The following GAS7 variants were observed in gnomAD, a reference collection of about 807,000 sequenced individuals.
GAS7 encodes growth arrest-specific protein 7.
In GAS7, 28 loss-of-function variants were observed where a neutral mutation model predicts 71.1. The ratio of observed to expected loss-of-function variants is 0.39; its 90% CI spans 0.29 to 0.54. The LOEUF is 0.54. Among genes scored for constraint, GAS7 ranks in the 20% least tolerant of loss-of-function variants. The pLI, the probability that GAS7 is intolerant of heterozygous loss-of-function variation, is 0.62. For synonymous variants in GAS7, 258 were observed against 245.8 expected (o/e 1.05, Z -0.46); for missense variants, 436 against 627.8 (o/e 0.69, Z 3.27).
intron 1 of GAS7, among the ~76,000 whole-genome samples, chr17:10,134,404 C>T (rs1225024073): frequency 3.9e-5 from 6 of 152,190 alleles, no homozygotes; most frequent in African/African-American, 1.4e-4. Flanking sequence ...GGGCAGACGC[C>T]TCTTCCATAT....
At chr17:9,984,673 T>C (rs1402688304) in intron 2 of GAS7, among the ~76,000 whole-genome samples, 1 of 152,176 alleles carries the variant, frequency 6.6e-6, no homozygotes, top group Non-Finnish European at 1.5e-5. Context: ...CTCTATATTC[T>C]GTTTTTCTCA....
At chr17:9,962,602 G>A (rs2069543447) in intron 4 of GAS7, among the ~76,000 whole-genome samples, 1 of 152,156 alleles carries the variant, frequency 6.6e-6, no homozygotes, top group Non-Finnish European at 1.5e-5. Context: ...TCAGAAGAAT[G>A]CCAATAAAAA....
intron 2 of GAS7, among the ~76,000 whole-genome samples, chr17:9,991,079 A>G (rs2070824509): frequency 6.6e-6 from 1 of 152,192 alleles, no homozygotes; most frequent in African/African-American, 2.4e-5. Flanking sequence ...GACACAGAGT[A>G]AGCACTCACA....
chr17:10,075,256 T>C (rs1458152562), intron 1 of GAS7, among the ~76,000 whole-genome samples: 2 of 151,802 alleles, frequency 1.3e-5, no homozygotes, highest in Non-Finnish European at 2.9e-5. Context: ...CTCAGGAGGC[T>C]GAGGCAGGAG....
chr17:10,133,122 A>ATATATATATTT (rs1392845338), intron 1 of GAS7, among the ~76,000 whole-genome samples: 5 of 118,886 alleles, frequency 4.2e-5, no homozygotes, highest in African/African-American at 1.5e-4. Context: ...ATATTTTTAT[A>ATATATATATTT]TTTTTTTTTT....
chr17:9,976,567 C>T (rs2070212768), intron 3 of GAS7, among the ~76,000 whole-genome samples: 1 of 152,166 alleles, frequency 6.6e-6, no homozygotes, highest in African/African-American at 2.4e-5. Context: ...CAGCTGCCTC[C>T]CTAACCATAT....
chr17:10,096,292 C>A (rs989339436), intron 1 of GAS7, among the ~76,000 whole-genome samples: 3 of 152,222 alleles, frequency 2.0e-5, no homozygotes, highest in African/African-American at 7.2e-5. Context: ...AAATTCCCTA[C>A]AGTCAACCAC....
intron 1 of GAS7, among the ~76,000 whole-genome samples, chr17:10,090,552 C>T (rs191985708): frequency 0.017 from 1,675 of 101,058 alleles, 16 homozygotes; most frequent in South Asian, 0.023. Flanking sequence ...CTTTAAAATC[C>T]TGAACTCTTT....
rs12950631 is a variant in GAS7 at position 10,026,252 on chromosome 17, C to A, written c.184-6355G>T. The A allele has an allele frequency of 1.0e-6, 1 of 985,212 alleles. No individual in the cohort carries two copies. The highest frequency in any genetic ancestry group is 1.2e-6 in the Non-Finnish European group (1 of 829,864). 61.0% of individuals were successfully genotyped at this position (985,212 alleles called of 1,614,324 possible). On this transcript the variant is annotated intron_variant, in intron 1 of 13. Coordinates refer to ENST00000432992, the MANE Select transcript of GAS7 (RefSeq NM_201433.2). The surrounding 1 kb of genome is among the most constrained non-coding windows in gnomAD (Gnocchi z 4.5). ...TCAGACGGTTTTAAGGTCTCCCACT[C>A]TGCATCCTCTCACACCCCAAACCCA... is the stretch of plus-strand genomic sequence containing the variant.
intron 1 of GAS7, among the ~76,000 whole-genome samples, chr17:10,143,849 C>T (rs923440858): frequency 1.3e-5 from 2 of 152,220 alleles, no homozygotes; most frequent in African/African-American, 4.8e-5. Flanking sequence ...CCCTAGCAAA[C>T]TCACACGTGT....
chr17:10,082,699 A>G (rs967677638), intron 1 of GAS7, among the ~76,000 whole-genome samples: 2 of 152,272 alleles, frequency 1.3e-5, no homozygotes, highest in South Asian at 4.1e-4. Context: ...AAATGTTCAC[A>G]GCAGATTTAT....
intron 1 of GAS7, among the ~76,000 whole-genome samples, chr17:10,133,147 G>A (rs2074012352): frequency 9.3e-6 from 1 of 107,336 alleles, no homozygotes; most frequent in South Asian, 3.4e-4. Context: ...TTTTTGAGAT[G>A]GAGTCTCGCT....
chr17:10,165,892 C>G (rs1394832133), intron 1 of GAS7, among the ~76,000 whole-genome samples: 3 of 152,202 alleles, frequency 2.0e-5, no homozygotes, highest in African/African-American at 7.2e-5. Flanking sequence ...GGGTCCCACC[C>G]AGGCCTCAGG....
At position 10,133,116 on chromosome 17, in the gene GAS7, T is replaced by TATATATATA. The variant is rs1319814933; in HGVS notation, c.183+65091_183+65092insTATATATAT. ...CAAATTTTATAATTAGATTATATAT[T>TATATATATA]TTTATATTTTTTTTTTTTCTTTTTT... On this transcript the variant is annotated intron_variant, in intron 1 of 13. Coordinates refer to ENST00000432992, the MANE Select transcript of GAS7 (RefSeq NM_201433.2). Among the ~76,000 whole-genome samples, 29 of 144,410 alleles carry TATATATATA rather than the reference T, an allele frequency of 2.0e-4. 1 individual carries two copies. The highest frequency in any genetic ancestry group is 6.7e-4 in the South Asian group (3 of 4,468). 94.7% of individuals were successfully genotyped at this position (144,410 alleles called of 152,430 possible).
At chr17:10,162,872 G>C (rs979047708) in intron 1 of GAS7, among the ~76,000 whole-genome samples, 1 of 152,092 alleles carries the variant, frequency 6.6e-6, no homozygotes, top group African/African-American at 2.4e-5. Context: ...CTGTTTACTG[G>C]GTTCAGAGTT....
chr17:10,060,355 C>T (rs1406670150), intron 1 of GAS7, among the ~76,000 whole-genome samples: 1 of 152,142 alleles, frequency 6.6e-6, no homozygotes, highest in Non-Finnish European at 1.5e-5. Flanking sequence ...GGAGCAGCAG[C>T]GCAGGGTCTT....
intron 1 of GAS7, among the ~76,000 whole-genome samples, chr17:10,033,020 C>T (rs772898957): frequency 7.2e-5 from 11 of 152,250 alleles, no homozygotes; most frequent in South Asian, 2.1e-4. Context: ...GTCCCTGTTA[C>T]GGCCAATTAA....
intron 5 of GAS7, among the ~76,000 whole-genome samples, chr17:9,951,331 G>A (rs1157958806): frequency 6.6e-6 from 1 of 152,248 alleles, no homozygotes; most frequent in Non-Finnish European, 1.5e-5. Context: ...AGAGTTGTGG[G>A]TACTCAGAGG....
intron 2 of GAS7, among the ~76,000 whole-genome samples, chr17:10,005,112 C>CGT (rs1217073208): frequency 2.1e-5 from 3 of 146,198 alleles, no homozygotes; most frequent in African/African-American, 7.9e-5. Flanking sequence ...CATGTGTGTG[C>CGT]GTGTGCACGC....
Sources: gnomAD v4.1 joint callset for allele counts (sites outside exome capture counted in the v4.1 genomes callset) on GRCh38, gnomAD v4.1.1 for gene constraint, Gnocchi (gnomAD v3.1) non-coding constraint, MANE v1.5 for transcripts, NCBI Gene and HGNC (gene_info 2026-07-23, HGNC 2026-07-21) for gene names.